UROC1: variants seen among roughly 807,000 people sequenced by gnomAD.
UROC1 encodes the protein urocanate hydratase 1.
UROC1 carries 79 observed loss-of-function variants against 89.5 expected under a neutral mutation model. That is an observed-to-expected ratio of 0.88 (90% confidence interval 0.74 to 1.06). The LOEUF is 1.06. UROC1 is among the 50% of genes least tolerant of loss of function. The probability of loss-of-function intolerance (pLI) is 0.00; values close to 1 mark genes in which losing one functional copy is unlikely to be tolerated. For missense variants in UROC1, 885 were observed against 907.8 expected, an observed-to-expected ratio of 0.97 and a Z score of 0.32; for synonymous variants, 361 against 354.8, an observed-to-expected ratio of 1.02 and a Z score of -0.20.
intron 6 of UROC1, among the ~76,000 whole-genome samples, chr3:126,506,426 G>A (rs1035063115): frequency 5.9e-5 from 9 of 152,224 alleles, no homozygotes; most frequent in Non-Finnish European, 1.0e-4. Context: ...CACCGGAGAC[G>A]AGAGAAGTGA....
intron 3 of UROC1, among the ~76,000 whole-genome samples, chr3:126,509,239 A>C (rs918622133): frequency 1.6e-5 from 2 of 125,322 alleles, no homozygotes; most frequent in Non-Finnish European, 3.4e-5. Context: ...CTGTCTCTCT[A>C]AAAAAAAAAA....
chr3:126,493,317 A>G (rs911694314), intron 15 of UROC1, among the ~76,000 whole-genome samples: 3 of 152,238 alleles, frequency 2.0e-5, no homozygotes, highest in African/African-American at 7.2e-5. Context: ...AGATATGTGC[A>G]CACACACGTT....
intron 8 of UROC1, 147 bp downstream of exon 8, chr3:126,505,554 G>C: frequency 7.6e-7 from 1 of 1,310,014 alleles, no homozygotes; most frequent in Non-Finnish European, 1.1e-6. Flanking sequence ...GAGGTCCAGT[G>C]GGGCTTCGTG....
chr3:126,499,973 G>A (rs935433960), intron 12 of UROC1, 84 bp downstream of exon 12: 13 of 1,353,392 alleles, frequency 9.6e-6, no homozygotes, highest in East Asian at 6.9e-5. Context: ...ACCTCCGAGT[G>A]AGGTGGGAGC....
At chr3:126,510,385 T>A (rs1422122201) in intron 2 of UROC1, among the ~76,000 whole-genome samples, 1 of 152,218 alleles carries the variant, frequency 6.6e-6, no homozygotes, top group African/African-American at 2.4e-5. Context: ...ACAATTTGTC[T>A]CCAGAATTGC....
intron 9 of UROC1, among the ~76,000 whole-genome samples, chr3:126,502,821 ATG>A (rs1272399355): frequency 2.1e-5 from 3 of 145,256 alleles, no homozygotes; most frequent in South Asian, 2.2e-4. Context: ...ATGTGTGCTT[ATG>A]TGTGTTAAGT....
chr3:126,507,829 G>C, intron 5 of UROC1, 26 bp from the exon 6 acceptor site: 1 of 1,614,032 alleles, frequency 6.2e-7, no homozygotes, highest in South Asian at 1.1e-5. Context: ...GGGGCAGACA[G>C]AGGGGCTGAG....
chr3:126,502,259 G>A (rs1322589187), intron 9 of UROC1, among the ~76,000 whole-genome samples: 1 of 149,642 alleles, frequency 6.7e-6, no homozygotes, highest in Non-Finnish European at 1.5e-5. Context: ...GTTTATGTGT[G>A]TGTGCGCCTG....
chr3:126,510,963 C>T (rs1364055923), intron 1 of UROC1, among the ~76,000 whole-genome samples, 169 bp from the exon 2 acceptor site: 1 of 151,426 alleles, frequency 6.6e-6, no homozygotes, highest in Non-Finnish European at 1.5e-5. Context: ...AGTGTCACCT[C>T]CTGCAGAAAG....
chr3:126,501,763 TG>T (rs763712444), intron 9 of UROC1: 1 of 1,593,496 alleles, frequency 6.3e-7, no homozygotes, highest in Non-Finnish European at 8.5e-7. Flanking sequence ...ACAGGGAAGG[TG>T]GTATGGTCCC....
intron 6 of UROC1, among the ~76,000 whole-genome samples, chr3:126,507,113 C>T (rs1936079274): frequency 6.6e-6 from 1 of 152,106 alleles, no homozygotes; most frequent in Non-Finnish European, 1.5e-5. Context: ...TTTGCATTAC[C>T]TCTATAACAA....
chr3:126,493,472 A>T (rs1218069295), intron 15 of UROC1, among the ~76,000 whole-genome samples: 1 of 152,250 alleles, frequency 6.6e-6, no homozygotes, highest in African/African-American at 2.4e-5. Flanking sequence ...TACAACATGG[A>T]TGGATGAACC....
At chr3:126,485,738 G>C (rs1267324029) in intron 18 of UROC1, among the ~76,000 whole-genome samples, 1 of 150,968 alleles carries the variant, frequency 6.6e-6, no homozygotes, top group Non-Finnish European at 1.5e-5. Context: ...CTCAGACCTG[G>C]TGGTGCACGC....
chr3:126,493,981 A>T (rs1000767932), intron 15 of UROC1, among the ~76,000 whole-genome samples: 2 of 152,132 alleles, frequency 1.3e-5, no homozygotes, highest in African/African-American at 2.4e-5. Flanking sequence ...TTCCTCCCTC[A>T]TGGGTTCCTA....
chr3:126,501,111 G>A, intron 10 of UROC1, 107 bp downstream of exon 10: 1 of 1,325,672 alleles, frequency 7.5e-7, no homozygotes, highest in Non-Finnish European at 1.1e-6. Flanking sequence ...GCTGAACTGG[G>A]GCTCAAAGCT....
At chr3:126,505,540 C>A (rs894052861) in intron 8 of UROC1, among the ~76,000 whole-genome samples, 161 bp downstream of exon 8, 1 of 151,306 alleles carries the variant, frequency 6.6e-6, no homozygotes, top group Non-Finnish European at 1.5e-5. Flanking sequence ...GGAACCCACC[C>A]AGTGAGGTCC....
chr3:126,509,567 G>C lies in UROC1; in HGVS notation c.351+18C>G, dbSNP rs729456. 1.8e-5 allele frequency: 28 copies of C among 1,548,906 alleles called. No homozygotes were observed. Among genetic ancestry groups the C allele is most frequent in the South Asian group, 1.8e-4 (15 of 84,020 alleles). On this transcript the variant is annotated intron_variant, in intron 3 of 19. Coordinates refer to ENST00000290868, the MANE Select transcript of UROC1 (RefSeq NM_144639.3). ...TTTCTGCTGGACAGTGCTGGGCCTCGGTTTCCCTGGCTATTACCTGGGCCA... is the reference window on the plus strand; with the variant it reads ...TTTCTGCTGGACAGTGCTGGGCCTCCGTTTCCCTGGCTATTACCTGGGCCA...
At position 126,500,577 on chromosome 3, in the gene UROC1, G is replaced by A. The variant is rs553823079; in HGVS notation, c.1145+118C>T. 1.2e-5 allele frequency: 15 copies of A among 1,259,420 alleles called. No individual in the cohort carries two copies. The East Asian group carries it at 2.3e-4, about 19-fold the overall frequency. 78.0% of individuals were successfully genotyped at this position (1,259,420 alleles called of 1,614,324 possible). On this transcript the variant is annotated intron_variant, in intron 11 of 19. Transcript: ENST00000290868. ...TGGGTGGAGGCAGAGGCTCAGAGAG[G>A]TTAAGGTCTTGCCCAAGGCCAAGCA...
At chr3:126,499,468 T>A in intron 12 of UROC1, 59 bp from the exon 13 acceptor site, 2 of 1,534,936 alleles carry the variant, frequency 1.3e-6, no homozygotes, top group Non-Finnish European at 1.8e-6. Context: ...CCACCCTAGA[T>A]GGCAACTTAA....
Sources: allele counts gnomAD v4.1 joint callset (sites outside exome capture counted in the v4.1 genomes callset), GRCh38; gene constraint gnomAD v4.1.1; transcripts MANE v1.5; gene names NCBI Gene and HGNC (gene_info 2026-07-23, HGNC 2026-07-21).